The following XYLT2 variants were observed in gnomAD, a reference collection of about 807,000 sequenced individuals.
XYLT2 encodes xylosyltransferase 2.
Under a neutral mutation model 82.6 loss-of-function variants are expected in XYLT2, and 37 were observed. The observed-to-expected ratio is 0.45, with a 90% confidence interval of 0.34 to 0.59. The LOEUF (loss-of-function observed/expected upper bound fraction) is 0.59. Ranked by LOEUF, XYLT2 falls within the 20% of genes least tolerant of loss-of-function variation. XYLT2 has a pLI of 0.01. For synonymous variants in XYLT2, 474 were observed against 499.0 expected (o/e 0.95, Z 0.67); for missense variants, 934 against 1,181.3 (o/e 0.79, Z 3.07).
Position 50,346,237 on chromosome 17 carries a change from TG to T in XYLT2, c.99del (p.Trp33Ter). ...CCTGCTGCTGCAGGGCCTGGTAGTG[TG>T]GAGCTTCAGCGGCCTGGAGGAGGAC... ...AILLLQGLVV[W>X]SFSGLEEDEA... On this transcript the variant is annotated frameshift_variant, in exon 1 of 11. Transcript: ENST00000017003. LOFTEE classifies it high-confidence loss of function. This position sits in a 1 kb window ranked among gnomAD's most constrained non-coding sequence, Gnocchi z 5.1. 1 of 1,244,022 alleles carries T rather than the reference TG, an allele frequency of 8.0e-7. No individual in the cohort carries two copies. The allele number at this position is 1,244,022 out of a possible 1,614,324, so 77.1% of individuals were successfully genotyped here. A position where few individuals can be genotyped will look rare whatever the true frequency, so the allele number is the denominator to read the frequency against.
In XYLT2 at chr17:50,360,570, T is replaced by TC. The variant is rs749932170; in HGVS notation, c.*280dup. The TC allele has an allele frequency of 7.5e-6, 8 of 1,068,608 alleles. No homozygotes were observed. Among genetic ancestry groups the TC allele is most frequent in the Non-Finnish European group, 8.9e-6 (8 of 895,750 alleles). 66.2% of individuals were successfully genotyped at this position (1,068,608 alleles called of 1,614,324 possible). On this transcript the variant is annotated 3_prime_UTR_variant, in exon 11 of 11. Coordinates refer to ENST00000017003, the MANE Select transcript of XYLT2 (RefSeq NM_022167.4). ...CTGTCTAGTTTGAATTTCTTTTTTT[T>TC]CTTTTTTTTTTTTTTTTTTTAATTT...
At chr17:50,352,162 G>T (rs1464039628) in intron 1 of XYLT2, among the ~76,000 whole-genome samples, 1 of 152,184 alleles carries the variant, frequency 6.6e-6, no homozygotes, top group Non-Finnish European at 1.5e-5. Context: ...CGTGGGAGAG[G>T]GTTTACAAGG....
intron 1 of XYLT2, among the ~76,000 whole-genome samples, chr17:50,349,079 G>A (rs1311872626): frequency 1.3e-5 from 2 of 152,126 alleles, no homozygotes; most frequent in African/African-American, 4.8e-5. Context: ...CTGCAGTGCA[G>A]GGACCAACAT....
At position 50,346,223 on chromosome 17, in the gene XYLT2, A is replaced by G; in HGVS notation, c.83A>G (p.Gln28Arg). ...ACGGCGCTGGCCATCCTGCTGCTGC[A>G]GGGCCTGGTAGTGTGGAGCTTCAGC... ...IATALAILLL[Q>R]GLVVWSFSGL... Residue 28 changes from glutamine (Q) to arginine (R), a missense_variant, in exon 1 of 11, where the codon CAG becomes CGG. Physicochemically the swap from Gln to Arg is conservative, Grantham distance 43. This residue lies in a region of XYLT2 where 371 missense variants were observed against 394.9 expected (regional missense o/e 0.94). Transcript: ENST00000017003. The surrounding 1 kb of genome is among the most constrained non-coding windows in gnomAD (Gnocchi z 5.1). 1.6e-6 allele frequency: 2 copies of G among 1,261,166 alleles called. No individual in the cohort carries two copies. The highest frequency in any genetic ancestry group is 1.6e-5 in the South Asian group (1 of 63,746). 78.1% of individuals were successfully genotyped at this position (1,261,166 alleles called of 1,614,324 possible). A position where few individuals can be genotyped will look rare whatever the true frequency, so the allele number is the denominator to read the frequency against.
chr17:50,359,911 C>G, intron 10 of XYLT2, 58 bp from the exon 11 acceptor site: 2 of 1,457,112 alleles, frequency 1.4e-6, no homozygotes, highest in East Asian at 2.5e-5. Flanking sequence ...ACTCCTGGGT[C>G]TGGCCTCCAC....
At position 50,353,651 on chromosome 17, in the gene XYLT2, C is replaced by G. The variant is rs753451459; in HGVS notation, c.157C>G (p.Arg53Gly). ...AGEKGRQRKPRPLDPGEGSKD... is the reference protein window; with the variant it reads ...AGEKGRQRKPGPLDPGEGSKD... ...ACAGAAAGGAAGGCAGAGGAAGCCA[C>G]GGCCACTGGACCCTGGCGAGGGTTC... The change falls in exon 2 of 11, where the codon CGG (arginine) becomes GGG (glycine). Residue 53 changes from arginine (R) to glycine (G), a missense_variant. Arg to Gly is a moderately radical substitution (Grantham distance 125, BLOSUM62 -2). Coordinates refer to ENST00000017003, the MANE Select transcript of XYLT2 (RefSeq NM_022167.4). 6.4e-7 allele frequency: 1 copy of G among 1,565,916 alleles called. No homozygotes were observed. The highest frequency in any genetic ancestry group is 8.7e-7 in the Non-Finnish European group (1 of 1,154,266).
rs1315054327 is a variant in XYLT2, at chr17:50,354,953, A to G, written c.904A>G (p.Ser302Gly). ...CATGGTTACCATCTGGGGCGGGGCC[A>G]GCCTCCTGAGGATGTACCTGCGGAG... is the stretch of plus-strand genomic sequence containing the variant. ...WRMVTIWGGA[S>G]LLRMYLRSMR... Residue 302 changes from serine (S) to glycine (G), a missense_variant, in exon 4 of 11, where the codon AGC (serine) becomes GGC (glycine). This residue lies in a region of XYLT2 where 189 missense variants were observed against 320.8 expected (regional missense o/e 0.59). Transcript: ENST00000017003. 1.9e-6 allele frequency: 3 copies of G among 1,590,150 alleles called. No homozygotes were observed. The highest frequency in any genetic ancestry group is 2.2e-5 in the East Asian group (1 of 44,778).
At chr17:50,356,468 G>C in intron 7 of XYLT2, 43 bp from the exon 8 acceptor site, 1 of 1,602,588 alleles carries the variant, frequency 6.2e-7, no homozygotes, top group Non-Finnish European at 8.5e-7. Context: ...ATGCCCTCTG[G>C]GGCTTCCAGA....
rs386386236 is a variant in XYLT2, at chr17:50,360,571, C to CTTTTTTTT, written c.*292_*299dup. 13 of 979,860 alleles carry CTTTTTTTT rather than the reference C, an allele frequency of 1.3e-5. 1 individual carries two copies. The highest frequency in any genetic ancestry group is 1.2e-4 in the African/African-American group (6 of 50,558). 60.7% of individuals were successfully genotyped at this position (979,860 alleles called of 1,614,324 possible). A position where few individuals can be genotyped will look rare whatever the true frequency, so the allele number is the denominator to read the frequency against. ...TGTCTAGTTTGAATTTCTTTTTTTT[C>CTTTTTTTT]TTTTTTTTTTTTTTTTTTTAATTTA... On this transcript the variant is annotated 3_prime_UTR_variant, in exon 11 of 11. Coordinates refer to ENST00000017003, the MANE Select transcript of XYLT2 (RefSeq NM_022167.4).
intron 1 of XYLT2, among the ~76,000 whole-genome samples, chr17:50,350,005 A>C (rs376755272): frequency 1.7e-4 from 26 of 150,338 alleles, no homozygotes; most frequent in African/African-American, 6.3e-4. Context: ...CAATATGGTA[A>C]AGCCCAGTCT....
At chr17:50,351,809 G>C (rs1298147764) in intron 1 of XYLT2, among the ~76,000 whole-genome samples, 3 of 152,184 alleles carry the variant, frequency 2.0e-5, no homozygotes. Context: ...ATGTCAAGGA[G>C]GCTGGTAGTT....
At position 50,356,676 on chromosome 17, in the gene XYLT2, C is replaced by T; in HGVS notation, c.1648C>T (p.Leu550Phe). The change falls in exon 8 of 11, where the codon CTC (leucine) becomes TTC (phenylalanine). Residue 550 changes from leucine (L) to phenylalanine (F), a missense_variant. Around this residue, in one of 3 missense-constraint regions of XYLT2, gnomAD observed 374 missense variants for 465.6 expected, o/e 0.80. Transcript: ENST00000017003. ...CGACGCGGCTGATGGCCCCAGTGGG[C>T]TCAGTGATGTCATGCTCACTGCTTA... Reference protein sequence around the residue: ...TYDAADGPSGLSDVMLTAYTA... With the variant: ...TYDAADGPSGFSDVMLTAYTA... The T allele has an allele frequency of 1.2e-6, 2 of 1,613,524 alleles. No homozygotes were observed. The highest frequency in any genetic ancestry group is 1.7e-6 in the Non-Finnish European group (2 of 1,180,022).
Position 50,360,447 on chromosome 17 carries a change from T to C in XYLT2, c.*156T>C. ...CAGACGGCAGGGAAGGTGGACACAG[T>C]ATGAACTACTGCTGATGTCTCTGTT... On this transcript the variant is annotated 3_prime_UTR_variant, in exon 11 of 11. Transcript: ENST00000017003. 1 of 1,419,066 alleles carries C rather than the reference T, an allele frequency of 7.0e-7. No homozygotes were observed. The highest frequency in any genetic ancestry group is 9.2e-7 in the Non-Finnish European group (1 of 1,090,664). The allele number at this position is 1,419,066 out of a possible 1,614,324, so 87.9% of individuals were successfully genotyped here. A position where few individuals can be genotyped will look rare whatever the true frequency, so the allele number is the denominator to read the frequency against.
rs1483913548 is a variant in XYLT2 at position 50,361,042 on chromosome 17, G to A, written c.*751G>A. The A allele has an allele frequency of 1.2e-5, 12 of 985,908 alleles. No individual in the cohort carries two copies. Among genetic ancestry groups the A allele is most frequent in the South Asian group, 4.7e-5 (1 of 21,282 alleles). 61.1% of individuals were successfully genotyped at this position (985,908 alleles called of 1,614,324 possible). A position where few individuals can be genotyped will look rare whatever the true frequency, so the allele number is the denominator to read the frequency against. On this transcript the variant is annotated 3_prime_UTR_variant, in exon 11 of 11. Coordinates refer to ENST00000017003, the MANE Select transcript of XYLT2 (RefSeq NM_022167.4). ...CTGGAAGTGAGGTCACATGAGCAGC[G>A]TGGGAAGAAGACTCTGTCAAGACTC... is the stretch of plus-strand genomic sequence containing the variant.
intron 1 of XYLT2, among the ~76,000 whole-genome samples, chr17:50,347,806 G>A (rs1266839383): frequency 6.6e-6 from 1 of 152,244 alleles, no homozygotes; most frequent in Non-Finnish European, 1.5e-5. Flanking sequence ...GGGGTTGCCA[G>A]GCAGCATAAC....
rs1912503162 is a variant in XYLT2, at chr17:50,355,872, G to A, written c.1180G>A (p.Val394Met). 10 of 1,614,130 alleles carry A rather than the reference G, an allele frequency of 6.2e-6. No individual in the cohort carries two copies. Among genetic ancestry groups the A allele is most frequent in the Middle Eastern group, 1.6e-4 (1 of 6,084 alleles). ...LGERQIPAGI[V>M]VDGGSDWFVL... is the part of the protein sequence containing the mutation. Reference sequence around the variant, plus strand: ...CGAGCGGCAGATCCCAGCAGGCATTGTGGTGGATGGCGGTTCTGACTGGTT... The same window carrying A: ...CGAGCGGCAGATCCCAGCAGGCATTATGGTGGATGGCGGTTCTGACTGGTT... The change falls in exon 6 of 11, where the codon GTG (valine) becomes ATG (methionine). Residue 394 changes from valine to methionine, a missense_variant. By Grantham distance (21) the Val-to-Met change is conservative. Transcript: ENST00000017003.
Position 50,355,931 on chromosome 17 carries a change from G to A in XYLT2, c.1239G>A (p.Val413=), listed in dbSNP as rs376716108. ...VLTRSFVEYV[V]YTDDPLVAQL... is the part of the protein sequence containing the mutation. ...CACGCAGCTTTGTGGAGTATGTGGT[G>A]TACACAGATGACCCGCTTGTGGCCC... The change falls in exon 6 of 11, where the codon GTG becomes GTA. Residue 413 remains valine, a synonymous_variant. Coordinates refer to ENST00000017003, the MANE Select transcript of XYLT2 (RefSeq NM_022167.4). The A allele has an allele frequency of 6.6e-5, 106 of 1,614,112 alleles. No homozygotes were observed. The highest frequency in any genetic ancestry group is 8.3e-5 in the Non-Finnish European group (98 of 1,180,046).
intron 2 of XYLT2, 21 bp downstream of exon 2, chr17:50,354,143 A>G (rs1028112049): frequency 1.3e-6 from 2 of 1,599,898 alleles, no homozygotes; most frequent in Non-Finnish European, 8.5e-7. Flanking sequence ...GGGGTGCTCC[A>G]GCCCTTCCCA....
rs1255487454 is a variant in XYLT2 at position 50,355,826 on chromosome 17, C to A, written c.1134C>A (p.Asp378Glu). 6.2e-7 allele frequency: 1 copy of A among 1,614,148 alleles called. No homozygotes were observed. The highest frequency in any genetic ancestry group is 1.3e-5 in the African/African-American group (1 of 74,952). Residue 378 changes from aspartate to glutamate, a missense_variant, in exon 6 of 11, where the codon GAC becomes GAA. By Grantham distance (45) the Asp-to-Glu change is conservative. Around this residue, in one of 3 missense-constraint regions of XYLT2, gnomAD observed 189 missense variants for 320.8 expected, o/e 0.59. Coordinates refer to ENST00000017003, the MANE Select transcript of XYLT2 (RefSeq NM_022167.4). ...TGGACCGGCTCTTCCATGAGTGCGA[C>A]TCACACATGTGGCGCCTGGGCGAGC... ...QGLDRLFHEC[D>E]SHMWRLGERQ...
Sources: gnomAD v4.1 joint callset for allele counts (sites outside exome capture counted in the v4.1 genomes callset) on GRCh38, gnomAD v4.1.1 for gene constraint, gnomAD v4.1.1 regional missense constraint, Gnocchi (gnomAD v3.1) non-coding constraint, MANE v1.5 for transcripts, NCBI Gene and HGNC (gene_info 2026-07-23, HGNC 2026-07-21) for gene names.